ASAP2: variants seen among roughly 807,000 people sequenced by gnomAD.
The protein encoded by ASAP2 is arf-GAP with SH3 domain, ANK repeat and PH domain-containing protein 2.
A neutral mutation model predicts 131.4 loss-of-function variants in ASAP2; 45 were observed. The ratio of observed to expected loss-of-function variants is 0.34; its 90% CI spans 0.27 to 0.44. The LOEUF is 0.44. Ranked by LOEUF, ASAP2 falls within the 20% of genes least tolerant of loss-of-function variation. ASAP2 has a pLI of 1.00. For missense variants in ASAP2, 1,011 were observed against 1,297.0 expected (o/e 0.78, Z 3.39); for synonymous variants, 510 against 503.0 (o/e 1.01, Z -0.19).
At chr2:9,258,751 T>C (rs1665357666) in intron 1 of ASAP2, among the ~76,000 whole-genome samples, 1 of 152,254 alleles carries the variant, frequency 6.6e-6, no homozygotes, top group Non-Finnish European at 1.5e-5. Flanking sequence ...ACAGATCAGC[T>C]TCAGAGCAGA....
chr2:9,366,288 C>T (rs1256710728), intron 15 of ASAP2, among the ~76,000 whole-genome samples: 2 of 152,026 alleles, frequency 1.3e-5, no homozygotes, highest in African/African-American at 4.8e-5. Flanking sequence ...AGGGAAGCAG[C>T]TCTTCGATTC....
intron 1 of ASAP2, among the ~76,000 whole-genome samples, chr2:9,275,634 C>A (rs1666713586): frequency 6.6e-6 from 1 of 152,156 alleles, no homozygotes. Context: ...CATTACCCTC[C>A]CTGTGGCCTG....
chr2:9,256,979 T>G (rs571787712), intron 1 of ASAP2, among the ~76,000 whole-genome samples: 17 of 152,342 alleles, frequency 1.1e-4, no homozygotes, highest in African/African-American at 3.6e-4. Context: ...TTCCAAGTCC[T>G]TGGCTGGAGT....
At chr2:9,264,155 G>A (rs1665770877) in intron 1 of ASAP2, among the ~76,000 whole-genome samples, 2 of 148,634 alleles carry the variant, frequency 1.3e-5, no homozygotes, top group Admixed American at 1.4e-4. Context: ...TCACACCACT[G>A]CACTCCACCC....
At chr2:9,254,161 G>A (rs1171566219) in intron 1 of ASAP2, among the ~76,000 whole-genome samples, 1 of 121,790 alleles carries the variant, frequency 8.2e-6, no homozygotes, top group Non-Finnish European at 1.6e-5. Context: ...AGCAGAGATT[G>A]CACCACTGCA....
intron 1 of ASAP2, among the ~76,000 whole-genome samples, chr2:9,270,785 A>ATTTTTTCTTTTTTTTTTTTTTT (rs1666300012): frequency 1.9e-5 from 1 of 52,926 alleles, no homozygotes; most frequent in Non-Finnish European, 3.5e-5. Flanking sequence ...AATTGTTTTC[A>ATTTTTTCTTTTTTTTTTTTTTT]TTTTTTTTTT....
At chr2:9,315,440 C>T (rs192145579) in intron 3 of ASAP2, among the ~76,000 whole-genome samples, 3 of 152,138 alleles carry the variant, frequency 2.0e-5, no homozygotes, top group Non-Finnish European at 4.4e-5. Context: ...TGTTGAGAAG[C>T]GTGCCGCACG....
chr2:9,403,637 A>G lies in ASAP2; in HGVS notation c.*310A>G, dbSNP rs780302231. 3.2e-5 allele frequency: 9 copies of G among 278,384 alleles called. No homozygotes were observed. Among genetic ancestry groups the G allele is most frequent in the Non-Finnish European group, 5.4e-5 (8 of 148,468 alleles). 17.2% of individuals were successfully genotyped at this position (278,384 alleles called of 1,614,324 possible). Reference sequence around the variant, plus strand: ...TCTACGGAATTAGCTAAACCTAAAAATGTTTGCATTAATGAATAAATTCTT... The same window carrying G: ...TCTACGGAATTAGCTAAACCTAAAAGTGTTTGCATTAATGAATAAATTCTT... On this transcript the variant is annotated 3_prime_UTR_variant, in exon 28 of 28. Coordinates refer to ENST00000281419, the MANE Select transcript of ASAP2 (RefSeq NM_003887.3).
chr2:9,332,687 G>A (rs1670924995), intron 7 of ASAP2, among the ~76,000 whole-genome samples: 1 of 151,972 alleles, frequency 6.6e-6, no homozygotes, highest in South Asian at 2.1e-4. Context: ...CCTCTCCCTG[G>A]GTGGTTTTGC....
intron 11 of ASAP2, 162 bp from the exon 12 acceptor site, chr2:9,350,646 T>C (rs1401364037): frequency 9.0e-6 from 5 of 555,218 alleles, no homozygotes; most frequent in Admixed American, 3.1e-5. Flanking sequence ...AAGGCCTCTG[T>C]AACTTGTCCC....
At chr2:9,357,537 A>C (rs1672801618) in intron 14 of ASAP2, among the ~76,000 whole-genome samples, 1 of 152,184 alleles carries the variant, frequency 6.6e-6, no homozygotes, top group Admixed American at 6.5e-5. Flanking sequence ...GTAGGGGGTG[A>C]TAAGTAGTGA....
At chr2:9,239,882 A>G (rs532900411) in intron 1 of ASAP2, among the ~76,000 whole-genome samples, 29 of 152,154 alleles carry the variant, frequency 1.9e-4, no homozygotes, top group Admixed American at 1.8e-3. Context: ...GCACACCACC[A>G]TGCCCCAGTA....
chr2:9,211,155 CAAAA>C (rs70948809), intron 1 of ASAP2, among the ~76,000 whole-genome samples: 3 of 129,128 alleles, frequency 2.3e-5, no homozygotes, highest in Admixed American at 8.0e-5. Context: ...AACTGCGTCT[CAAAA>C]AAAAAAAAAA....
At position 9,308,146 on chromosome 2, in the gene ASAP2, A is replaced by G. The variant is rs1358485792; in HGVS notation, c.346-10378A>G. Among the ~76,000 whole-genome samples the G allele has an allele frequency of 3.4e-4, 51 of 152,232 alleles. 1 individual carries two copies. Among genetic ancestry groups the G allele is most frequent in the Admixed American group, 3.3e-3 (51 of 15,286 alleles). On this transcript the variant is annotated intron_variant, in intron 3 of 27. Coordinates refer to ENST00000281419, the MANE Select transcript of ASAP2 (RefSeq NM_003887.3). ...TATAACACATATATAACACACACAT[A>G]TATAACATATGTTTAATTGGCTTAC...
intron 1 of ASAP2, among the ~76,000 whole-genome samples, chr2:9,259,266 A>G (rs1665408777): frequency 6.6e-6 from 1 of 152,240 alleles, no homozygotes; most frequent in South Asian, 2.1e-4. Flanking sequence ...TTCATCCCTC[A>G]ACGCTGAGAA....
chr2:9,291,066 C>T (rs947913931), intron 2 of ASAP2, among the ~76,000 whole-genome samples: 3 of 152,174 alleles, frequency 2.0e-5, no homozygotes, highest in African/African-American at 7.2e-5. Context: ...GCTTTCTGCT[C>T]CTACCATATT....
chr2:9,306,074 A>G (rs1668912281), intron 3 of ASAP2, among the ~76,000 whole-genome samples: 1 of 57,700 alleles, frequency 1.7e-5, no homozygotes, highest in African/African-American at 8.0e-5. Context: ...GAGAGGCTGT[A>G]GGGGGTGGGG....
At chr2:9,240,416 G>A (rs1663880849) in intron 1 of ASAP2, among the ~76,000 whole-genome samples, 1 of 151,860 alleles carries the variant, frequency 6.6e-6, no homozygotes, top group African/African-American at 2.4e-5. Context: ...ACCATGCCAA[G>A]CTAATTTTTT....
intron 3 of ASAP2, among the ~76,000 whole-genome samples, chr2:9,317,455 T>TC (rs1669813840): frequency 1.7e-4 from 12 of 70,304 alleles, no homozygotes; most frequent in South Asian, 1.5e-3. Context: ...CACACACACA[T>TC]GTGCATTCAC....
Sources: gnomAD v4.1 joint callset for allele counts (sites outside exome capture counted in the v4.1 genomes callset) on GRCh38, gnomAD v4.1.1 for gene constraint, MANE v1.5 for transcripts, NCBI Gene and HGNC (gene_info 2026-07-23, HGNC 2026-07-21) for gene names.